Variants in ERC1 observed in about 807,000 individuals in gnomAD.
The protein encoded by ERC1 is ELKS/RAB6-interacting/CAST family member 1.
A neutral mutation model predicts 132.0 loss-of-function variants in ERC1; 56 were observed. That is an observed-to-expected ratio of 0.42 (90% confidence interval 0.34 to 0.53). The LOEUF (loss-of-function observed/expected upper bound fraction) is 0.53, where lower values mean the gene tolerates loss of function less well. ERC1 is among the 20% of genes least tolerant of loss of function. The pLI is 0.03. For missense variants in ERC1, 1,202 were observed against 1,349.9 expected (o/e 0.89, Z 1.72); for synonymous variants, 478 against 476.1 (o/e 1.00, Z -0.05).
At chr12:1,179,588 G>A (rs977903076) in intron 8 of ERC1, among the ~76,000 whole-genome samples, 33 of 143,230 alleles carry the variant, frequency 2.3e-4, no homozygotes, top group Admixed American at 1.7e-3. Flanking sequence ...GCTCACTGCA[G>A]GCTCCGCCTC....
At chr12:1,204,461 C>A in intron 12 of ERC1, 1 of 1,548,710 alleles carries the variant, frequency 6.5e-7, no homozygotes, top group Non-Finnish European at 8.7e-7. Flanking sequence ...TTCTAACTTT[C>A]TTTTTCACAT....
rs1306444367 is a variant in ERC1, at chr12:1,444,624, C to T, written c.3087C>T (p.His1029=). The change falls in exon 18 of 19, where the codon CAC becomes CAT. Residue 1029 remains histidine (H), a synonymous_variant. Transcript: ENST00000360905. ...NRSKLKLYIG[H]LTTLCHDRDP... is the part of the protein sequence containing the mutation. ...GTAAATTAAAGTTGTACATTGGACACCTGACAACCCTCTGCCATGACCGAG... is the reference window on the plus strand; with the variant it reads ...GTAAATTAAAGTTGTACATTGGACATCTGACAACCCTCTGCCATGACCGAG... 3.7e-6 allele frequency: 6 copies of T among 1,614,062 alleles called. No homozygotes were observed. Among genetic ancestry groups the T allele is most frequent in the Non-Finnish European group, 5.1e-6 (6 of 1,179,934 alleles).
chr12:1,181,809 TA>T, intron 9 of ERC1, 115 bp from the exon 10 acceptor site: 1 of 1,175,520 alleles, frequency 8.5e-7, no homozygotes, highest in Non-Finnish European at 1.2e-6. Flanking sequence ...GTGGATTCTT[TA>T]AAAACTTACC....
At chr12:1,241,339 T>C (rs967563931) in intron 13 of ERC1, among the ~76,000 whole-genome samples, 15 of 152,216 alleles carry the variant, frequency 9.9e-5, no homozygotes, top group African/African-American at 3.6e-4. Context: ...TTGCTACCTA[T>C]CATGAAAATC....
At chr12:1,360,133 T>G (rs906414455) in intron 15 of ERC1, among the ~76,000 whole-genome samples, 3 of 152,226 alleles carry the variant, frequency 2.0e-5, no homozygotes, top group African/African-American at 7.2e-5. Flanking sequence ...TGAGGCTTAT[T>G]GTAATTTCTT....
chr12:999,710 C>T (rs148188303), intron 1 of ERC1, among the ~76,000 whole-genome samples: 2,037 of 149,694 alleles, frequency 0.014, 45 homozygotes, highest in African/African-American at 0.047. Flanking sequence ...ATTCCCCTGC[C>T]TCAGCCTCCC....
chr12:1,026,043 G>A (rs527337302), intron 1 of ERC1, among the ~76,000 whole-genome samples: 36 of 152,190 alleles, frequency 2.4e-4, no homozygotes, highest in African/African-American at 8.7e-4. Flanking sequence ...TGATCCACCC[G>A]CCTTGGTCTC....
intron 1 of ERC1, among the ~76,000 whole-genome samples, chr12:1,008,582 A>AT (rs1964133782): frequency 1.3e-5 from 2 of 151,886 alleles, no homozygotes; most frequent in Admixed American, 6.6e-5. Flanking sequence ...CGGCCACATT[A>AT]TTTTTTAATA....
intron 14 of ERC1, among the ~76,000 whole-genome samples, chr12:1,270,508 T>C (rs1371824738): frequency 6.6e-6 from 1 of 152,158 alleles, no homozygotes; most frequent in East Asian, 1.9e-4. Context: ...GTGCCCGGTC[T>C]GAACCTTTAT....
At chr12:1,378,499 G>C (rs1424643320) in intron 16 of ERC1, among the ~76,000 whole-genome samples, 1 of 152,162 alleles carries the variant, frequency 6.6e-6, no homozygotes, top group East Asian at 1.9e-4. Context: ...CAAGAAAATA[G>C]ACCTGTCTGT....
chr12:1,135,981 A>G (rs1949209064), intron 7 of ERC1, among the ~76,000 whole-genome samples: 1 of 152,216 alleles, frequency 6.6e-6, no homozygotes, highest in Non-Finnish European at 1.5e-5. Flanking sequence ...TTCAGGTATT[A>G]TCAGGGAGAC....
At chr12:1,151,247 A>G (rs1224233600) in intron 8 of ERC1, among the ~76,000 whole-genome samples, 1 of 152,216 alleles carries the variant, frequency 6.6e-6, no homozygotes, top group Non-Finnish European at 1.5e-5. Context: ...AAACCTATAA[A>G]TACTTCAGTG....
At chr12:1,010,616 T>A (rs1025043153) in intron 1 of ERC1, among the ~76,000 whole-genome samples, 2 of 151,458 alleles carry the variant, frequency 1.3e-5, no homozygotes, top group Admixed American at 1.3e-4. Flanking sequence ...GTTCAAGTGA[T>A]TCTCCTGCCT....
intron 15 of ERC1, among the ~76,000 whole-genome samples, chr12:1,306,988 T>C (rs74057116): frequency 0.027 from 4,069 of 152,250 alleles, 184 homozygotes; most frequent in African/African-American, 0.094. Context: ...CCAGCTGGCA[T>C]CCTGGGAAGT....
chr12:1,178,070 A>G (rs1390137146), intron 8 of ERC1, among the ~76,000 whole-genome samples: 1 of 152,180 alleles, frequency 6.6e-6, no homozygotes, highest in Non-Finnish European at 1.5e-5. Flanking sequence ...CACCCATACG[A>G]TTATCTCTTT....
intron 8 of ERC1, among the ~76,000 whole-genome samples, chr12:1,147,325 G>C (rs541043851): frequency 6.6e-6 from 1 of 152,098 alleles, no homozygotes; most frequent in African/African-American, 2.4e-5. Flanking sequence ...AATCATAAAG[G>C]GATGCTGGAT....
At chr12:1,000,129 A>G (rs1026138610) in intron 1 of ERC1, among the ~76,000 whole-genome samples, 12 of 152,116 alleles carry the variant, frequency 7.9e-5, no homozygotes, top group African/African-American at 2.4e-4. Context: ...CCTTTTGTAT[A>G]TATTAGTTTC....
chr12:1,219,080 C>T (rs1025110829), intron 12 of ERC1, among the ~76,000 whole-genome samples: 2 of 151,980 alleles, frequency 1.3e-5, no homozygotes, highest in African/African-American at 2.4e-5. Context: ...ACCATATTGG[C>T]CAGGCTGGTC....
At chr12:1,016,367 G>A (rs1242496981) in intron 1 of ERC1, among the ~76,000 whole-genome samples, 1 of 152,124 alleles carries the variant, frequency 6.6e-6, no homozygotes, top group Non-Finnish European at 1.5e-5. Flanking sequence ...GATATTTGGT[G>A]TTCCTTTGGA....
Sources: allele counts gnomAD v4.1 joint callset (sites outside exome capture counted in the v4.1 genomes callset), GRCh38; gene constraint gnomAD v4.1.1; transcripts MANE v1.5; gene names NCBI Gene and HGNC (gene_info 2026-07-23, HGNC 2026-07-21).